The following MITF variants were observed in gnomAD, a reference collection of about 807,000 sequenced individuals.
MITF encodes the protein microphthalmia-associated transcription factor.
Under a neutral mutation model 60.5 loss-of-function variants are expected in MITF, and 17 were observed. That is an observed-to-expected ratio of 0.28 (90% CI 0.19 to 0.42). MITF has a LOEUF of 0.42. Ranked by LOEUF, MITF falls within the 10% of genes least tolerant of loss-of-function variation. MITF has a pLI of 1.00. For synonymous variants in MITF, 260 were observed against 248.5 expected (o/e 1.05, Z -0.43); for missense variants, 622 against 683.5 (o/e 0.91, Z 1.00).
intron 1 of MITF, among the ~76,000 whole-genome samples, chr3:69,840,509 G>C (rs951607691): frequency 9.2e-5 from 14 of 151,740 alleles, no homozygotes; most frequent in Admixed American, 5.2e-4. Context: ...GGAAAGGGAA[G>C]AATAAAATGT....
At position 69,739,660 on chromosome 3, in the gene MITF, C is replaced by A; in HGVS notation, c.63C>A (p.Pro21=). The change falls in exon 1 of 10, where the codon CCC becomes CCA. Residue 21 remains proline, a synonymous_variant. Coordinates refer to ENST00000352241, the MANE Select transcript of MITF (RefSeq NM_001354604.2). ...FEVGEEFHEE[P]KTYYELKSQP... ...TCGGGGAGGAGTTTCATGAAGAGCC[C>A]AAAACCTATTACGAACTCAAAAGTC... is the stretch of plus-strand genomic sequence containing the variant. 6.3e-7 allele frequency: 1 copy of A among 1,583,534 alleles called. No homozygotes were observed. Among genetic ancestry groups the A allele is most frequent in the Non-Finnish European group, 8.6e-7 (1 of 1,163,188 alleles).
intron 1 of MITF, among the ~76,000 whole-genome samples, chr3:69,771,273 A>G (rs1195824741): frequency 2.0e-5 from 3 of 151,892 alleles, no homozygotes; most frequent in Non-Finnish European, 4.4e-5. Flanking sequence ...CCTGAAATGA[A>G]CACTTCCAGT....
chr3:69,779,875 C>G (rs2062535480), intron 1 of MITF, among the ~76,000 whole-genome samples: 1 of 152,048 alleles, frequency 6.6e-6, no homozygotes, highest in African/African-American at 2.4e-5. Flanking sequence ...CCATGATATG[C>G]TGAAGTCTGT....
At chr3:69,955,884 A>C (rs559087017) in intron 7 of MITF, among the ~76,000 whole-genome samples, 1 of 152,328 alleles carries the variant, frequency 6.6e-6, no homozygotes, top group South Asian at 2.1e-4. Flanking sequence ...TCAGCATGAC[A>C]AGTAAATTCT....
chr3:69,941,410 A>G (rs538559247), intron 5 of MITF, 79 bp downstream of exon 5: 3 of 863,080 alleles, frequency 3.5e-6, no homozygotes, highest in South Asian at 3.0e-5. Flanking sequence ...CTTTTATTTT[A>G]TCTTTGTAAC....
chr3:69,802,368 G>T (rs1370432886), intron 1 of MITF, among the ~76,000 whole-genome samples: 1 of 152,128 alleles, frequency 6.6e-6, no homozygotes, highest in South Asian at 2.1e-4. Flanking sequence ...AGCAGAATTC[G>T]AATTCTTTTC....
chr3:69,778,208 T>C (rs762761238), intron 1 of MITF, among the ~76,000 whole-genome samples: 11 of 152,112 alleles, frequency 7.2e-5, no homozygotes, highest in Non-Finnish European at 1.2e-4. Flanking sequence ...ATGGTGCTGT[T>C]CATGGAGATG....
intron 1 of MITF, among the ~76,000 whole-genome samples, chr3:69,869,631 C>T (rs151001802): frequency 3.3e-5 from 5 of 152,212 alleles, no homozygotes; most frequent in Non-Finnish European, 7.4e-5. Context: ...TCTGAAAAGC[C>T]CTTCTGATAC....
At chr3:69,774,731 G>A (rs936694283) in intron 1 of MITF, among the ~76,000 whole-genome samples, 3 of 152,090 alleles carry the variant, frequency 2.0e-5, no homozygotes, top group African/African-American at 7.2e-5. Flanking sequence ...GGGGTGTGGG[G>A]TGCTAGAGGC....
intron 1 of MITF, among the ~76,000 whole-genome samples, chr3:69,862,593 G>A (rs1201210778): frequency 6.6e-6 from 1 of 152,198 alleles, no homozygotes; most frequent in Non-Finnish European, 1.5e-5. Context: ...CTTCAGCTAA[G>A]TCTTGGACAG....
intron 1 of MITF, among the ~76,000 whole-genome samples, chr3:69,805,232 T>C (rs1005556763): frequency 6.6e-6 from 1 of 152,170 alleles, no homozygotes; most frequent in African/African-American, 2.4e-5. Context: ...TTTGTAATCC[T>C]TTCTTCTCGG....
chr3:69,960,895 TG>T (rs2066525462), intron 9 of MITF, among the ~76,000 whole-genome samples: 1 of 151,970 alleles, frequency 6.6e-6, no homozygotes, highest in Non-Finnish European at 1.5e-5. Flanking sequence ...AGCTGTGGGG[TG>T]GGGAGGTGGG....
chr3:69,944,987 C>G (rs2066059205), intron 5 of MITF, among the ~76,000 whole-genome samples: 1 of 151,934 alleles, frequency 6.6e-6, no homozygotes, highest in Non-Finnish European at 1.5e-5. Context: ...AAGTTAACTA[C>G]TTAGGAAAAA....
chr3:69,942,542 T>C (rs2065993020), intron 5 of MITF, among the ~76,000 whole-genome samples: 1 of 152,114 alleles, frequency 6.6e-6, no homozygotes, highest in African/African-American at 2.4e-5. Context: ...AGGACTTCCC[T>C]TGAAACCTCA....
At chr3:69,837,161 C>T (rs183216905) in intron 1 of MITF, among the ~76,000 whole-genome samples, 31 of 152,288 alleles carry the variant, frequency 2.0e-4, no homozygotes, top group African/African-American at 6.7e-4. Flanking sequence ...ATGCTAGCTA[C>T]AAGAGAGTCT....
chr3:69,754,661 G>C (rs1245265268), intron 1 of MITF, among the ~76,000 whole-genome samples: 2 of 151,308 alleles, frequency 1.3e-5, no homozygotes, highest in African/African-American at 4.9e-5. Context: ...CCCAGTCTCA[G>C]GTATTTTTTT....
chr3:69,959,021 T>A (rs936902455), intron 8 of MITF, among the ~76,000 whole-genome samples: 8 of 22,254 alleles, frequency 3.6e-4, no homozygotes, highest in South Asian at 2.0e-3. Context: ...AGGGAGGGGG[T>A]GGGATGGGGG....
At chr3:69,822,937 T>G (rs1329527270) in intron 1 of MITF, among the ~76,000 whole-genome samples, 1 of 151,882 alleles carries the variant, frequency 6.6e-6, no homozygotes, top group African/African-American at 2.4e-5. Context: ...TCTCACTCTG[T>G]CACCCAGGGT....
intron 2 of MITF, among the ~76,000 whole-genome samples, chr3:69,914,196 A>G (rs2065283816): frequency 6.6e-6 from 1 of 152,156 alleles, no homozygotes; most frequent in Non-Finnish European, 1.5e-5. Flanking sequence ...ATCTTGGCTC[A>G]CTGCAACCTC....
Sources: allele counts gnomAD v4.1 joint callset (sites outside exome capture counted in the v4.1 genomes callset), GRCh38; gene constraint gnomAD v4.1.1; transcripts MANE v1.5; gene names NCBI Gene and HGNC (gene_info 2026-07-23, HGNC 2026-07-21).